Variants in SRPK2 observed in about 807,000 individuals in gnomAD.
The protein encoded by SRPK2 is SRSF protein kinase 2.
A neutral mutation model predicts 90.8 loss-of-function variants in SRPK2; 21 were observed. That is an observed-to-expected ratio of 0.23 (90% CI 0.16 to 0.33). The LOEUF (loss-of-function observed/expected upper bound fraction) is 0.33. Ranked by LOEUF, SRPK2 falls within the 10% of genes least tolerant of loss-of-function variation. SRPK2 has a pLI of 1.00. For synonymous variants in SRPK2, 288 were observed against 311.1 expected, an observed-to-expected ratio of 0.93 and a Z score of 0.78; for missense variants, 620 against 869.0, an observed-to-expected ratio of 0.71 and a Z score of 3.60.
intron 11 of SRPK2, among the ~76,000 whole-genome samples, chr7:105,139,464 G>A (rs74809115): frequency 0.034 from 5,201 of 152,276 alleles, 322 homozygotes; most frequent in African/African-American, 0.12. Context: ...AAGAAATGGT[G>A]GCAACAAGTG....
chr7:105,343,628 G>A lies in SRPK2; in HGVS notation c.71+45020C>T, dbSNP rs190036246. On this transcript the variant is annotated intron_variant, in intron 2 of 15. Coordinates refer to ENST00000393651, the MANE Select transcript of SRPK2 (RefSeq NM_182692.3). Reference sequence around the variant, plus strand: ...ATACATCCTTTAATTTCCTACATACGTTTTCTAACTAACAGTGCATTTCCA... The same window carrying A: ...ATACATCCTTTAATTTCCTACATACATTTTCTAACTAACAGTGCATTTCCA... 2.0e-4 allele frequency among the ~76,000 whole-genome samples: 31 copies of A among 151,798 alleles called. No homozygotes were observed. In the East Asian group the frequency reaches 2.9e-3, roughly 14 times the overall value.
At chr7:105,389,248 G>C, upstream of SRPK2, 1 of 1,254,868 alleles carries the variant, frequency 8.0e-7, no homozygotes. Context: ...CCGCACCCCG[G>C]CCGGTCGCGC....
At chr7:105,119,736 C>G (rs930306137) in intron 15 of SRPK2, among the ~76,000 whole-genome samples, 5 of 152,186 alleles carry the variant, frequency 3.3e-5, no homozygotes, top group African/African-American at 1.2e-4. Flanking sequence ...TCCCTCTAAG[C>G]CTGAAATTCC....
At chr7:105,383,052 AATTTTTTTTTTT>A (rs1215254834) in intron 2 of SRPK2, among the ~76,000 whole-genome samples, 19 of 105,326 alleles carry the variant, frequency 1.8e-4, no homozygotes, top group Admixed American at 6.1e-4. Flanking sequence ...CAAAAGTAAA[AATTTTTTTTTTT>A]TTTTTTTTTT....
chr7:105,302,078 G>A, intron 2 of SRPK2: 13 of 1,550,736 alleles, frequency 8.4e-6, no homozygotes, highest in Non-Finnish European at 1.2e-5. Flanking sequence ...CTCTAAGGAT[G>A]ATGAGTAGCA....
In SRPK2 at chr7:105,298,742, G is replaced by C. The variant is rs58011998; in HGVS notation, c.71+89906C>G. The C allele has an allele frequency of 1.1e-3, 1,101 of 985,524 alleles. 37 individuals are homozygous for C. In the East Asian group the frequency reaches 0.058, roughly 52 times the overall value. 61.0% of individuals were successfully genotyped at this position (985,524 alleles called of 1,614,324 possible). ...CCTCCTCAGCTGATGCCTCACGTTA[G>C]CAGTAGGAGACAGCAGAGGCACAGG... On this transcript the variant is annotated intron_variant, in intron 2 of 15. Transcript: ENST00000393651.
chr7:105,145,197 C>A, intron 9 of SRPK2, 86 bp downstream of exon 9: 4 of 1,069,274 alleles, frequency 3.7e-6, no homozygotes, highest in South Asian at 2.2e-5. Context: ...CCTTTAAATA[C>A]ACAACTTTTT....
intron 2 of SRPK2, among the ~76,000 whole-genome samples, chr7:105,355,429 A>C (rs1374326574): frequency 6.6e-6 from 1 of 152,040 alleles, no homozygotes; most frequent in Non-Finnish European, 1.5e-5. Flanking sequence ...AGGATCATTT[A>C]AGCTCAGGAG....
chr7:105,277,662 T>C (rs182061963), intron 2 of SRPK2, among the ~76,000 whole-genome samples: 3 of 152,224 alleles, frequency 2.0e-5, no homozygotes, highest in African/African-American at 7.2e-5. Flanking sequence ...TCCTCTGTTA[T>C]GAGAATTCAC....
intron 6 of SRPK2, among the ~76,000 whole-genome samples, chr7:105,160,929 T>G (rs1343912515): frequency 1.6e-4 from 25 of 152,114 alleles, no homozygotes; most frequent in Admixed American, 5.2e-4. Flanking sequence ...TTCCATATAC[T>G]TTATTTTTAT....
At chr7:105,195,996 A>G (rs1794870255) in intron 3 of SRPK2, among the ~76,000 whole-genome samples, 2 of 152,220 alleles carry the variant, frequency 1.3e-5, no homozygotes, top group Non-Finnish European at 2.9e-5. Flanking sequence ...GCCCTGTAGT[A>G]AAGTACAACG....
At chr7:105,334,331 G>T (rs1019314244) in intron 2 of SRPK2, among the ~76,000 whole-genome samples, 2 of 152,134 alleles carry the variant, frequency 1.3e-5, no homozygotes, top group African/African-American at 4.8e-5. Context: ...ACCCACCTTG[G>T]CCTCCCAAAG....
intron 2 of SRPK2, among the ~76,000 whole-genome samples, chr7:105,329,999 C>T (rs1814094925): frequency 6.6e-6 from 1 of 152,068 alleles, no homozygotes; most frequent in African/African-American, 2.4e-5. Context: ...CACGTCCCGG[C>T]ACTCCAACCT....
intron 3 of SRPK2, among the ~76,000 whole-genome samples, chr7:105,176,233 T>C (rs904091067): frequency 6.6e-5 from 10 of 152,194 alleles, no homozygotes; most frequent in Admixed American, 3.9e-4. Flanking sequence ...ATCTATATGA[T>C]GAGCACATCA....
intron 2 of SRPK2, among the ~76,000 whole-genome samples, chr7:105,257,371 C>T (rs1020827215): frequency 6.6e-6 from 1 of 152,192 alleles, no homozygotes; most frequent in African/African-American, 2.4e-5. Flanking sequence ...CTGATAAATT[C>T]ATCATAATCT....
At chr7:105,211,359 G>A (rs764470718) in intron 2 of SRPK2, among the ~76,000 whole-genome samples, 22 of 151,820 alleles carry the variant, frequency 1.4e-4, no homozygotes, top group Non-Finnish European at 2.5e-4. Flanking sequence ...GAGTCCATTC[G>A]TGCATTGCTA....
chr7:105,302,115 A>T, intron 2 of SRPK2: 1 of 1,517,406 alleles, frequency 6.6e-7, no homozygotes, highest in Non-Finnish European at 9.1e-7. Context: ...AGGAAAGAGC[A>T]TTCTTTAAAA....
At chr7:105,268,722 C>T in intron 2 of SRPK2, 1 of 1,491,948 alleles carries the variant, frequency 6.7e-7, no homozygotes, top group South Asian at 1.2e-5. Flanking sequence ...ATATAGCAAA[C>T]TTGACAAGAA....
At chr7:105,301,479 C>G (rs1810548755) in intron 2 of SRPK2, 4 of 1,047,994 alleles carry the variant, frequency 3.8e-6, no homozygotes, top group Non-Finnish European at 5.9e-6. Flanking sequence ...TTCGTTGTTG[C>G]AAGCACCGTC....
Sources: gnomAD v4.1 joint callset for allele counts (sites outside exome capture counted in the v4.1 genomes callset) on GRCh38, gnomAD v4.1.1 for gene constraint, MANE v1.5 for transcripts, NCBI Gene and HGNC (gene_info 2026-07-23, HGNC 2026-07-21) for gene names.